The following FKBP5 variants were observed in gnomAD, a reference collection of about 807,000 sequenced individuals.
The protein encoded by FKBP5 is FKBP prolyl isomerase 5, also known as peptidyl-prolyl cis-trans isomerase FKBP5.
Under a neutral mutation model 50.5 loss-of-function variants are expected in FKBP5, and 23 were observed. The observed-to-expected ratio is 0.46, with a 90% confidence interval of 0.33 to 0.65. The LOEUF is 0.65. Among genes scored for constraint, FKBP5 ranks in the 30% least tolerant of loss-of-function variants. The pLI is 0.02. For synonymous variants in FKBP5, 176 were observed against 190.6 expected (o/e 0.92, Z 0.63); for missense variants, 411 against 553.1 (o/e 0.74, Z 2.58).
At position 35,606,659 on chromosome 6, in the gene FKBP5, C is replaced by CA. The variant is rs61139697; in HGVS notation, c.509-9256dup. 2.3e-3 allele frequency among the ~76,000 whole-genome samples: 58 copies of CA among 25,136 alleles called. 10 individuals carry two copies. Among genetic ancestry groups the CA allele is most frequent in the Non-Finnish European group, 2.9e-3 (42 of 14,316 alleles). The allele number at this position is 25,136 out of a possible 152,430, so 16.5% of individuals were successfully genotyped here. ...TGGGCAACAGAATGAGACTCCGTCT[C>CA]AAAAAAAAAAAAAAAAAAAAAAAAA... On this transcript the variant is annotated intron_variant, in intron 5 of 10. Coordinates refer to ENST00000357266, the MANE Select transcript of FKBP5 (RefSeq NM_004117.4).
At chr6:35,656,124 T>C (rs1054572435) in intron 1 of FKBP5, among the ~76,000 whole-genome samples, 3 of 152,214 alleles carry the variant, frequency 2.0e-5, no homozygotes, top group Admixed American at 2.0e-4. Context: ...CATAAATTGT[T>C]TCCCAAAGTC....
intron 1 of FKBP5, among the ~76,000 whole-genome samples, chr6:35,665,432 C>A (rs576213036): frequency 1.3e-4 from 19 of 151,894 alleles, no homozygotes; most frequent in African/African-American, 4.6e-4. Flanking sequence ...GGACTACAGG[C>A]GCGTGCCACC....
intron 5 of FKBP5, among the ~76,000 whole-genome samples, chr6:35,614,994 G>C (rs1315068005): frequency 1.3e-5 from 2 of 151,878 alleles, no homozygotes; most frequent in African/African-American, 4.8e-5. Flanking sequence ...GTGGTGGCAG[G>C]CACCTGTAAA....
At chr6:35,586,624 GAA>G in intron 8 of FKBP5, 1 of 982,444 alleles carries the variant, frequency 1.0e-6, no homozygotes, top group Admixed American at 5.9e-5. Context: ...AAAAAAGGAA[GAA>G]AGAAAAATGA....
At chr6:35,684,947 A>G (rs1765781159) in intron 1 of FKBP5, among the ~76,000 whole-genome samples, 1 of 152,040 alleles carries the variant, frequency 6.6e-6, no homozygotes. Flanking sequence ...AGGTGGGAGG[A>G]TCACTTGAGA....
At chr6:35,622,078 A>C (rs905660486) in intron 3 of FKBP5, among the ~76,000 whole-genome samples, 5 of 152,200 alleles carry the variant, frequency 3.3e-5, no homozygotes, top group African/African-American at 1.2e-4. Flanking sequence ...TGGTGGTAGG[A>C]TATTAGGACA....
chr6:35,589,816 T>C (rs1335507143), intron 7 of FKBP5, among the ~76,000 whole-genome samples: 6 of 152,218 alleles, frequency 3.9e-5, no homozygotes, highest in African/African-American at 1.2e-4. Context: ...TCAGTGGTCA[T>C]AACCAGACAT....
chr6:35,703,647 G>A (rs910475796), intron 2 of FKBP5, among the ~76,000 whole-genome samples: 2 of 152,032 alleles, frequency 1.3e-5, no homozygotes, highest in Non-Finnish European at 2.9e-5. Context: ...TTCTATACTT[G>A]GGGAAATTCC....
chr6:35,639,630 A>C (rs1764420057), intron 2 of FKBP5, among the ~76,000 whole-genome samples: 1 of 152,170 alleles, frequency 6.6e-6, no homozygotes, highest in Admixed American at 6.6e-5. Context: ...CTATAGCTAC[A>C]AGGTTGAGAA....
upstream of FKBP5, among the ~76,000 whole-genome samples, chr6:35,689,503 C>T (rs908869029): frequency 3.9e-5 from 6 of 152,102 alleles, no homozygotes; most frequent in African/African-American, 1.2e-4. Flanking sequence ...TGGCTTGCTA[C>T]CTTTCAAGCA....
intron 2 of FKBP5, among the ~76,000 whole-genome samples, chr6:35,696,760 A>G (rs1766088799): frequency 6.6e-6 from 1 of 152,234 alleles, no homozygotes; most frequent in Non-Finnish European, 1.5e-5. Context: ...ATGTTTAAGA[A>G]GAAAAACAAA....
intron 5 of FKBP5, among the ~76,000 whole-genome samples, chr6:35,599,603 C>T (rs1204292226): frequency 1.3e-5 from 2 of 152,142 alleles, no homozygotes; most frequent in Admixed American, 6.5e-5. Flanking sequence ...ATGTGTTCCC[C>T]TTGCAGACAC....
chr6:35,597,414 A>G lies in FKBP5; in HGVS notation c.509-10T>C. On this transcript the variant is annotated splice_polypyrimidine_tract_variant and intron_variant, in intron 5 of 10. Coordinates refer to ENST00000357266, the MANE Select transcript of FKBP5 (RefSeq NM_004117.4). ...CGGCCTTCCAGGTGGACTGAGGGCA[A>G]GGAGACAGGAGAGTCAACAGAGCTG... 1 of 1,610,268 alleles carries G rather than the reference A, an allele frequency of 6.2e-7. No homozygotes were observed. Among genetic ancestry groups the G allele is most frequent in the Non-Finnish European group, 8.5e-7 (1 of 1,178,728 alleles).
chr6:35,595,212 G>A (rs1445267506), intron 6 of FKBP5, among the ~76,000 whole-genome samples: 5 of 152,140 alleles, frequency 3.3e-5, no homozygotes, highest in African/African-American at 9.7e-5. Context: ...AACTGTTTGC[G>A]TTAAAAAATT....
At chr6:35,696,944 T>C (rs1457775383) in intron 2 of FKBP5, among the ~76,000 whole-genome samples, 1 of 152,186 alleles carries the variant, frequency 6.6e-6, no homozygotes, top group East Asian at 1.9e-4. Context: ...CAAGCATTGG[T>C]GAGAATATGG....
chr6:35,588,537 T>G (rs563904807), intron 7 of FKBP5, among the ~76,000 whole-genome samples: 1 of 152,228 alleles, frequency 6.6e-6, no homozygotes, highest in East Asian at 1.9e-4. Flanking sequence ...TTTTTTTTAT[T>G]TTTTCTTTTT....
intron 1 of FKBP5, among the ~76,000 whole-genome samples, chr6:35,649,817 A>G (rs944212905): frequency 6.6e-6 from 1 of 152,204 alleles, no homozygotes; most frequent in South Asian, 2.1e-4. Context: ...CAGTTCATCA[A>G]CTAAACACAG....
chr6:35,658,495 T>C (rs753236163), intron 1 of FKBP5, among the ~76,000 whole-genome samples: 6 of 152,222 alleles, frequency 3.9e-5, no homozygotes, highest in Non-Finnish European at 7.3e-5. Context: ...CAGCATTAAC[T>C]ATGATTTCAG....
chr6:35,591,680 C>CT (rs1018296809), intron 6 of FKBP5, among the ~76,000 whole-genome samples: 39 of 152,114 alleles, frequency 2.6e-4, no homozygotes, highest in African/African-American at 9.2e-4. Context: ...AAGCTTTTAA[C>CT]TTTAAAGTGC....
Sources: allele counts gnomAD v4.1 joint callset (sites outside exome capture counted in the v4.1 genomes callset), GRCh38; gene constraint gnomAD v4.1.1; transcripts MANE v1.5; gene names NCBI Gene and HGNC (gene_info 2026-07-23, HGNC 2026-07-21).